The following PDE1C variants were observed in gnomAD, a reference collection of about 807,000 sequenced individuals.
PDE1C encodes phosphodiesterase 1C.
PDE1C carries 62 observed loss-of-function variants against 93.1 expected under a neutral mutation model. The observed-to-expected ratio is 0.67, with a 90% CI of 0.54 to 0.82. The LOEUF (loss-of-function observed/expected upper bound fraction) is 0.82. PDE1C is among the 40% of genes least tolerant of loss of function. The probability of loss-of-function intolerance (pLI) is 0.00; values close to 1 mark genes in which losing one functional copy is unlikely to be tolerated. For synonymous variants in PDE1C, 325 were observed against 310.1 expected, an observed-to-expected ratio of 1.05 and a Z score of -0.50; for missense variants, 742 against 884.6, an observed-to-expected ratio of 0.84 and a Z score of 2.04.
chr7:32,122,395 C>A (rs1444028814), intron 3 of PDE1C, among the ~76,000 whole-genome samples: 1 of 152,142 alleles, frequency 6.6e-6, no homozygotes, highest in African/African-American at 2.4e-5. Context: ...AACTTTCCAC[C>A]CCAAATCAAC....
intron 3 of PDE1C, among the ~76,000 whole-genome samples, chr7:31,879,988 G>A (rs565193142): frequency 5.9e-5 from 9 of 151,774 alleles, no homozygotes; most frequent in South Asian, 2.1e-4. Context: ...CTATGATATC[G>A]AATTTCCTTA....
At chr7:32,294,448 T>C (rs920004697) in intron 1 of PDE1C, among the ~76,000 whole-genome samples, 9 of 152,192 alleles carry the variant, frequency 5.9e-5, no homozygotes, top group Admixed American at 5.2e-4. Flanking sequence ...TCTGACACCA[T>C]GCAGGTCATC....
chr7:32,018,084 C>T (rs1243158936), intron 2 of PDE1C, among the ~76,000 whole-genome samples: 1 of 148,698 alleles, frequency 6.7e-6, no homozygotes, highest in Non-Finnish European at 1.5e-5. Flanking sequence ...GAGACCCTGT[C>T]TAAAAAAAAA....
At chr7:32,050,856 A>C (rs1266182740) in intron 2 of PDE1C, among the ~76,000 whole-genome samples, 1 of 152,214 alleles carries the variant, frequency 6.6e-6, no homozygotes, top group African/African-American at 2.4e-5. Flanking sequence ...TGGGCTTCCC[A>C]TTGGACTTCG....
chr7:31,743,066 T>C, the PDE1C span, among the ~76,000 whole-genome samples: 4 of 151,340 alleles, frequency 2.6e-5, no homozygotes, highest in Non-Finnish European at 5.9e-5. Context: ...CCTATCTCTA[T>C]AGTTTTTTTG....
At chr7:32,157,263 A>G (rs115779280) in intron 3 of PDE1C, among the ~76,000 whole-genome samples, 2,500 of 152,332 alleles carry the variant, frequency 0.016, 81 homozygotes, top group African/African-American at 0.057. Flanking sequence ...AAGTTCTAGT[A>G]TTCGATAGTA....
intron 3 of PDE1C, among the ~76,000 whole-genome samples, chr7:32,139,300 CTTTTTT>C (rs34277412): frequency 1.8e-4 from 15 of 82,924 alleles, no homozygotes; most frequent in Non-Finnish European, 3.1e-4. Flanking sequence ...CAAAATCAAC[CTTTTTT>C]TTTTTTTTTT....
the PDE1C span, among the ~76,000 whole-genome samples, chr7:31,704,770 A>G: frequency 6.6e-6 from 1 of 152,200 alleles, no homozygotes; most frequent in African/African-American, 2.4e-5. Flanking sequence ...GTGAGTGCTC[A>G]AGGCTTAATG....
At chr7:32,300,996 C>A (rs1056235347), upstream of PDE1C, among the ~76,000 whole-genome samples, 5 of 150,824 alleles carry the variant, frequency 3.3e-5, no homozygotes, top group Non-Finnish European at 7.4e-5. Context: ...CGCCACCACA[C>A]CTGGCTGCTT....
At chr7:32,153,438 G>A (rs1801380423) in intron 3 of PDE1C, among the ~76,000 whole-genome samples, 1 of 152,154 alleles carries the variant, frequency 6.6e-6, no homozygotes, top group Admixed American at 6.5e-5. Context: ...TACAGAGGCA[G>A]CACCCGTCAA....
upstream of PDE1C, among the ~76,000 whole-genome samples, chr7:32,076,305 C>A (rs532604927): frequency 1.3e-5 from 2 of 152,048 alleles, no homozygotes; most frequent in Non-Finnish European, 2.9e-5. Context: ...TTATCTTAGC[C>A]ATGGGGTTAT....
intron 1 of PDE1C, among the ~76,000 whole-genome samples, chr7:32,254,394 T>A (rs746207175): frequency 1.3e-5 from 2 of 152,158 alleles, no homozygotes; most frequent in African/African-American, 4.8e-5. Context: ...CAGAACTTTG[T>A]GTGTTGGCCC....
chr7:31,807,275 T>TA (rs1282222928), intron 16 of PDE1C, among the ~76,000 whole-genome samples: 1 of 151,918 alleles, frequency 6.6e-6, no homozygotes, highest in Non-Finnish European at 1.5e-5. Context: ...AGACAGACAT[T>TA]AAAAAATGTC....
intron 1 of PDE1C, among the ~76,000 whole-genome samples, chr7:32,282,156 A>AT (rs1265937124): frequency 8.0e-6 from 1 of 124,898 alleles, no homozygotes; most frequent in Non-Finnish European, 1.7e-5. Context: ...TTAAAGTATA[A>AT]TAAAAAAAAA....
At chr7:32,424,809 C>T (rs115948009) in intron 1 of PDE1C, among the ~76,000 whole-genome samples, 272 of 152,144 alleles carry the variant, frequency 1.8e-3, no homozygotes, top group African/African-American at 6.4e-3. Flanking sequence ...GCCTGGGTGA[C>T]AGACTAAGAC....
intron 1 of PDE1C, among the ~76,000 whole-genome samples, chr7:32,347,138 C>A (rs527924379): frequency 6.6e-6 from 1 of 152,288 alleles, no homozygotes; most frequent in Non-Finnish European, 1.5e-5. Flanking sequence ...TCCCTATAAT[C>A]CACCCACACA....
intron 2 of PDE1C, among the ~76,000 whole-genome samples, chr7:32,047,029 A>AGG (rs1792667747): frequency 2.6e-5 from 2 of 75,578 alleles, no homozygotes; most frequent in South Asian, 1.3e-3. Context: ...ATACTGAAAT[A>AGG]GGGGTGTGTG....
At chr7:32,344,818 T>C (rs953812038) in intron 1 of PDE1C, among the ~76,000 whole-genome samples, 7 of 152,314 alleles carry the variant, frequency 4.6e-5, no homozygotes, top group East Asian at 1.9e-4. Flanking sequence ...TTTTGTTCTA[T>C]TGATGCATCC....
At chr7:31,970,438 C>A (rs1810786833) in intron 2 of PDE1C, among the ~76,000 whole-genome samples, 1 of 152,276 alleles carries the variant, frequency 6.6e-6, no homozygotes, top group African/African-American at 2.4e-5. Context: ...AATGGCTTCT[C>A]AAAGTTTCAA....
Sources: allele counts gnomAD v4.1 joint callset (sites outside exome capture counted in the v4.1 genomes callset), GRCh38; gene constraint gnomAD v4.1.1; transcripts MANE v1.5; gene names NCBI Gene and HGNC (gene_info 2026-07-23, HGNC 2026-07-21).